The following NIPSNAP3A variants were observed in gnomAD, a reference collection of about 807,000 sequenced individuals.
NIPSNAP3A encodes nipsnap homolog 3A.
In NIPSNAP3A, 27 loss-of-function variants were observed where a neutral mutation model predicts 32.3. The ratio of observed to expected loss-of-function variants is 0.84; its 90% CI spans 0.62 to 1.15. The LOEUF (loss-of-function observed/expected upper bound fraction) is 1.15. NIPSNAP3A is among the 50% of genes most tolerant of loss of function. The pLI is 0.00. For missense variants in NIPSNAP3A, 278 were observed against 297.2 expected, an observed-to-expected ratio of 0.94 and a Z score of 0.48; for synonymous variants, 108 against 107.3, an observed-to-expected ratio of 1.01 and a Z score of -0.04.
At position 104,754,234 on chromosome 9, in the gene NIPSNAP3A, A is replaced by G. The variant is rs41277755; in HGVS notation, c.431-317A>G. 724 of 180,030 alleles carry G rather than the reference A, an allele frequency of 4.0e-3. 3 individuals are homozygous for G. Among genetic ancestry groups the G allele is most frequent in the Middle Eastern group, 0.026 (11 of 428 alleles). 11.2% of individuals were successfully genotyped at this position (180,030 alleles called of 1,614,324 possible). A position where few individuals can be genotyped will look rare whatever the true frequency, so the allele number is the denominator to read the frequency against. ...ATAGACTTTTGCAGCTCAAAATTCT[A>G]TATCATTATACATTCTCAACAGTTT... On this transcript the variant is annotated intron_variant, in intron 3 of 5. Coordinates refer to ENST00000374767, the MANE Select transcript of NIPSNAP3A (RefSeq NM_015469.3).
rs1827954009 is a variant in NIPSNAP3A at position 104,759,926 on chromosome 9, T to C, written c.*588T>C. 1 of 152,444 alleles carries C rather than the reference T, an allele frequency of 6.6e-6. No homozygotes were observed. The highest frequency in any genetic ancestry group is 2.4e-5 in the African/African-American group (1 of 41,458). The allele number at this position is 152,444 out of a possible 1,614,324, so 9.4% of individuals were successfully genotyped here. On this transcript the variant is annotated 3_prime_UTR_variant, in exon 6 of 6. Transcript: ENST00000374767. ...TTGTCACTTACTTGGAAAATGATGC[T>C]GTTAGGTCCTGGTATTAAAAATCTA...
Position 104,747,866 on chromosome 9 carries a change from G to A in NIPSNAP3A, c.60+14G>A, listed in dbSNP as rs748727960. 5 of 1,602,316 alleles carry A rather than the reference G, an allele frequency of 3.1e-6. No homozygotes were observed. The highest frequency in any genetic ancestry group is 1.4e-5 in the African/African-American group (1 of 73,812). On this transcript the variant is annotated intron_variant, in intron 1 of 5. Transcript: ENST00000374767. ...CTGGCGCCTCAGGTACCGGCCACGG[G>A]GGTACCCAAGCCTTCACCCGACGGG...
At chr9:104,749,713 CTACA>C (rs1444709775) in intron 1 of NIPSNAP3A, among the ~76,000 whole-genome samples, 3 of 151,868 alleles carry the variant, frequency 2.0e-5, no homozygotes, top group African/African-American at 7.3e-5. Context: ...ACATAGATAC[CTACA>C]TAGAGGATAA....
In NIPSNAP3A at chr9:104,758,971, CAAAAAAAAAAA is replaced by C. The variant is rs34457398; in HGVS notation, c.581-99_581-89del. ...GGTGACAAGAGTGAAACTCTTGTTT[CAAAAAAAAAAA>C]AAAAAAAAAAAAAAGAATAGGATGG... On this transcript the variant is annotated intron_variant, in intron 4 of 5. Coordinates refer to ENST00000374767, the MANE Select transcript of NIPSNAP3A (RefSeq NM_015469.3). 428 of 402,526 alleles carry C rather than the reference CAAAAAAAAAAA, an allele frequency of 1.1e-3. 1 individual carries two copies. The highest frequency in any genetic ancestry group is 1.5e-3 in the Non-Finnish European group (362 of 245,054). 24.9% of individuals were successfully genotyped at this position (402,526 alleles called of 1,614,324 possible).
intron 5 of NIPSNAP3A, 31 bp from the exon 6 acceptor site, chr9:104,759,231 C>G: frequency 6.2e-7 from 1 of 1,613,960 alleles, no homozygotes; most frequent in Non-Finnish European, 8.5e-7. Context: ...GTCAGTAACT[C>G]TATATGCCTT....
chr9:104,754,756 T>A, intron 4 of NIPSNAP3A, 56 bp downstream of exon 4: 13 of 1,384,450 alleles, frequency 9.4e-6, no homozygotes, highest in Non-Finnish European at 1.2e-5. Flanking sequence ...TGACCTAAGT[T>A]CCTTGGGTCA....
intron 1 of NIPSNAP3A, among the ~76,000 whole-genome samples, 178 bp downstream of exon 1, chr9:104,748,030 G>GACAGGGGTACCCGGAACA (rs1162899646): frequency 9.1e-6 from 1 of 110,206 alleles, no homozygotes; most frequent in Non-Finnish European, 2.1e-5. Flanking sequence ...TACCCGGAAC[G>GACAGGGGTACCCGGAACA]CGCGTGAGGA....
At chr9:104,755,087 A>G (rs528365165) in intron 4 of NIPSNAP3A, among the ~76,000 whole-genome samples, 1 of 152,154 alleles carries the variant, frequency 6.6e-6, no homozygotes, top group East Asian at 1.9e-4. Flanking sequence ...TAAAAATAGA[A>G]CAAATTAGCC....
chr9:104,755,264 C>G, intron 4 of NIPSNAP3A, among the ~76,000 whole-genome samples: 1 of 151,838 alleles, frequency 6.6e-6, no homozygotes. Flanking sequence ...ATGAAGGAAC[C>G]TCAAGAAATA....
intron 4 of NIPSNAP3A, among the ~76,000 whole-genome samples, chr9:104,755,566 T>C (rs1406243048): frequency 6.6e-6 from 1 of 152,124 alleles, no homozygotes; most frequent in African/African-American, 2.4e-5. Flanking sequence ...TGAAAAACAT[T>C]TCAATCAGAA....
intron 1 of NIPSNAP3A, among the ~76,000 whole-genome samples, chr9:104,748,608 G>C (rs7869844): frequency 0.84 from 127,065 of 152,136 alleles, 53,359 homozygotes; most frequent in African/African-American, 0.89. Context: ...TTTTCCTTTT[G>C]ATGTTTAGGA....
At chr9:104,753,495 A>C (rs1827870419) in intron 3 of NIPSNAP3A, 1 of 160,880 alleles carries the variant, frequency 6.2e-6, no homozygotes, top group South Asian at 1.7e-4. Flanking sequence ...TTGCTTATAA[A>C]ACTGAGTATT....
chr9:104,751,227 A>T, intron 2 of NIPSNAP3A, 61 bp downstream of exon 2: 1 of 1,352,028 alleles, frequency 7.4e-7, no homozygotes. Flanking sequence ...ATAGATTTTC[A>T]TTCTGTTAAA....
intron 1 of NIPSNAP3A, among the ~76,000 whole-genome samples, chr9:104,748,715 C>T (rs1827810559): frequency 6.6e-6 from 1 of 152,146 alleles, no homozygotes. Flanking sequence ...TGTCCATTCA[C>T]CCCGGGTTAA....
At chr9:104,748,233 C>T (rs571176048) in intron 1 of NIPSNAP3A, among the ~76,000 whole-genome samples, 12 of 152,328 alleles carry the variant, frequency 7.9e-5, no homozygotes, top group African/African-American at 2.9e-4. Flanking sequence ...CGCTGTGGAG[C>T]CGCGGGTGGA....
intron 1 of NIPSNAP3A, among the ~76,000 whole-genome samples, chr9:104,750,439 G>A (rs1222755183): frequency 6.6e-6 from 1 of 152,174 alleles, no homozygotes; most frequent in Middle Eastern, 3.2e-3. Flanking sequence ...TGTGAAGCAG[G>A]AGAATAGGGT....
At chr9:104,758,988 A>G in intron 4 of NIPSNAP3A, 97 bp from the exon 5 acceptor site, 1 of 1,095,140 alleles carries the variant, frequency 9.1e-7, no homozygotes, top group Non-Finnish European at 1.3e-6. Flanking sequence ...AAAAAAAAAA[A>G]AAAAAAAAGA....
chr9:104,751,278 A>T (rs554022184), intron 2 of NIPSNAP3A, 112 bp downstream of exon 2: 1 of 969,300 alleles, frequency 1.0e-6, no homozygotes, highest in Non-Finnish European at 1.7e-6. Flanking sequence ...ATTATTTTAG[A>T]TACATACAGG....
chr9:104,756,817 T>TC (rs1281261037), intron 4 of NIPSNAP3A, among the ~76,000 whole-genome samples: 1 of 139,550 alleles, frequency 7.2e-6, no homozygotes, highest in East Asian at 3.2e-4. Flanking sequence ...TAATATTCTT[T>TC]TTTTTTTTTT....
Sources: allele counts gnomAD v4.1 joint callset (sites outside exome capture counted in the v4.1 genomes callset), GRCh38; gene constraint gnomAD v4.1.1; transcripts MANE v1.5; gene names NCBI Gene and HGNC (gene_info 2026-07-23, HGNC 2026-07-21).